Variants in LRP4 observed in about 807,000 individuals in gnomAD.
LRP4 encodes the protein low-density lipoprotein receptor-related protein 4.
LRP4 carries 95 observed loss-of-function variants against 220.3 expected under a neutral mutation model. That is an observed-to-expected ratio of 0.43 (90% CI 0.37 to 0.51). The LOEUF is 0.51. Ranked by LOEUF, LRP4 falls within the 20% of genes least tolerant of loss-of-function variation. The probability of loss-of-function intolerance (pLI) is 0.00; values close to 1 mark genes in which losing one functional copy is unlikely to be tolerated. For missense variants in LRP4, 1,925 were observed against 2,567.0 expected (o/e 0.75, Z 5.40); for synonymous variants, 903 against 954.6 (o/e 0.95, Z 1.00).
chr11:46,868,190 G>A (rs1940754552), intron 33 of LRP4, 76 bp from the exon 34 acceptor site: 1 of 1,586,542 alleles, frequency 6.3e-7, no homozygotes, highest in East Asian at 2.2e-5. Flanking sequence ...AGCAGCTGGA[G>A]AACTTGACAA....
In LRP4 at chr11:46,888,311, T is replaced by G. The variant is rs569517589; in HGVS notation, c.2215+1100A>C. 8.0e-5 allele frequency among the ~76,000 whole-genome samples: 12 copies of G among 150,420 alleles called. 1 individual carries two copies. In the South Asian group the frequency reaches 1.5e-3, roughly 18 times the overall value. On this transcript the variant is annotated intron_variant, in intron 16 of 37. Transcript: ENST00000378623. ...GCTCATGCCTGTAATGCCAGCACTT[T>G]GGGAGGCTGAGGTGGGTGGATCACC...
At position 46,899,769 on chromosome 11, in the gene LRP4, G is replaced by A. The variant is rs916723324; in HGVS notation, c.430+94C>T. On this transcript the variant is annotated intron_variant, in intron 4 of 37. Transcript: ENST00000378623. This position sits in a 1 kb window ranked among gnomAD's most constrained non-coding sequence, Gnocchi z 5.9. ...GCTCCAGATATCTGGGCAGTTGGAG[G>A]TTTGGCAGTGCTAGGGCCATTGCTG... 1.9e-6 allele frequency: 2 copies of A among 1,064,960 alleles called. No homozygotes were observed. Among genetic ancestry groups the A allele is most frequent in the Non-Finnish European group, 2.9e-6 (2 of 688,508 alleles). The allele number at this position is 1,064,960 out of a possible 1,614,324, so 66.0% of individuals were successfully genotyped here. A position where few individuals can be genotyped will look rare whatever the true frequency, so the allele number is the denominator to read the frequency against.
rs138239756 is a variant in LRP4 at position 46,900,321 on chromosome 11, C to G, written c.257G>C (p.Arg86Pro). The G allele has an allele frequency of 1.2e-6, 2 of 1,614,114 alleles. No homozygotes were observed. Among genetic ancestry groups the G allele is most frequent in the Admixed American group, 1.7e-5 (1 of 60,026 alleles). The part of the protein sequence containing the change: ...FHCDNGKCIR[R>P]SWVCDGDNDC... ...GTTGTCCCCGTCACACACCCAGGAG[C>G]GGCGGATGCACTTGCCATTGTCACA... Residue 86 changes from arginine (R) to proline (P), a missense_variant, in exon 3 of 38, where the codon CGC (arginine) becomes CCC (proline). This residue lies in a region of LRP4 where 412 missense variants were observed against 505.4 expected (regional missense o/e 0.82). Transcript: ENST00000378623.
intron 16 of LRP4, 119 bp from the exon 17 acceptor site, chr11:46,886,652 T>C (rs894998314): frequency 2.4e-6 from 2 of 825,508 alleles, no homozygotes; most frequent in Non-Finnish European, 4.0e-6. Flanking sequence ...CTGGTGCCCT[T>C]TGCCCCCTAT....
Position 46,881,873 on chromosome 11 carries a change from G to T in LRP4, c.2643C>A (p.Ser881Arg). 6.2e-7 allele frequency: 1 copy of T among 1,614,188 alleles called. No individual in the cohort carries two copies. Among genetic ancestry groups the T allele is most frequent in the East Asian group, 2.2e-5 (1 of 44,892 alleles). ...GYMYWTDWGA[S>R]PKIERAGMDA... Reference sequence around the variant, plus strand: ...CCATGCCAGCTCGTTCAATCTTGGGGCTCGCACCCCAGTCAGTCCAATACA... The same window carrying T: ...CCATGCCAGCTCGTTCAATCTTGGGTCTCGCACCCCAGTCAGTCCAATACA... Residue 881 changes from serine (S) to arginine (R), a missense_variant, in exon 20 of 38, where the codon AGC (serine) becomes AGA (arginine). By Grantham distance (110) the Ser-to-Arg change is moderately radical. Transcript: ENST00000378623.
chr11:46,875,722 T>C lies in LRP4; in HGVS notation c.3700-41A>G. Reference sequence around the variant, plus strand: ...AGGGTGGGGGGTGGTGATCAGCAGATTGGGAACTCTCCATGGAGATCCTAG... The same window carrying C: ...AGGGTGGGGGGTGGTGATCAGCAGACTGGGAACTCTCCATGGAGATCCTAG... On this transcript the variant is annotated intron_variant, in intron 26 of 37. Coordinates refer to ENST00000378623, the MANE Select transcript of LRP4 (RefSeq NM_002334.4). This position sits in a 1 kb window ranked among gnomAD's most constrained non-coding sequence, Gnocchi z 4.5. 4 of 1,612,352 alleles carry C rather than the reference T, an allele frequency of 2.5e-6. No homozygotes were observed. The highest frequency in any genetic ancestry group is 3.4e-6 in the Non-Finnish European group (4 of 1,178,496).
intron 36 of LRP4, among the ~76,000 whole-genome samples, chr11:46,863,593 A>T (rs1441977143): frequency 6.8e-6 from 1 of 147,082 alleles, no homozygotes; most frequent in African/African-American, 2.6e-5. Context: ...ACAAAAAAAA[A>T]AAAAAAAAAA....
chr11:46,866,138 GA>G lies in LRP4; in HGVS notation c.5088-953del, dbSNP rs1208907934. Among the ~76,000 whole-genome samples the G allele has an allele frequency of 3.3e-3, 423 of 127,534 alleles. 5 individuals are homozygous for G. Among genetic ancestry groups the G allele is most frequent in the East Asian group, 5.2e-3 (23 of 4,450 alleles). 83.7% of individuals were successfully genotyped at this position (127,534 alleles called of 152,430 possible). A position where few individuals can be genotyped will look rare whatever the true frequency, so the allele number is the denominator to read the frequency against. On this transcript the variant is annotated intron_variant, in intron 34 of 37. Coordinates refer to ENST00000378623, the MANE Select transcript of LRP4 (RefSeq NM_002334.4). ...ATAAAGAGACCAGTATGTTGCAGTGGAAAAAAAAAAAAACTGTTCTAATTAG... is the reference window on the plus strand; with the variant it reads ...ATAAAGAGACCAGTATGTTGCAGTGGAAAAAAAAAAAACTGTTCTAATTAG...
intron 1 of LRP4, among the ~76,000 whole-genome samples, chr11:46,907,273 T>C (rs1031249625): frequency 4.6e-5 from 7 of 152,230 alleles, no homozygotes; most frequent in Non-Finnish European, 8.8e-5. Flanking sequence ...CAATTCACTA[T>C]GGAAAAGGTC....
intron 7 of LRP4, 53 bp downstream of exon 7, chr11:46,898,505 C>T: frequency 2.5e-6 from 4 of 1,612,494 alleles, no homozygotes; most frequent in Non-Finnish European, 3.4e-6. Context: ...CTCTTTGGCT[C>T]CACAAGCCTT....
chr11:46,868,608 C>A lies in LRP4; in HGVS notation c.4943G>T (p.Cys1648Phe), dbSNP rs769497270. Residue 1648 changes from cysteine to phenylalanine, a missense_variant, in exon 33 of 38, where the codon TGC (cysteine) becomes TTC (phenylalanine). This residue lies in a region of LRP4 where 1,244 missense variants were observed against 1,624.9 expected (regional missense o/e 0.77). Transcript: ENST00000378623. ...ACPDEPDSRPCSLVPGLVPPA... is the reference protein window; with the variant it reads ...ACPDEPDSRPFSLVPGLVPPA... The stretch of plus-strand genomic sequence containing the variant: ...CATACAGTCCAACTCACCAAGGGAG[C>A]AGGGCCGGCTATCAGGTTCGTCAGG... The A allele has an allele frequency of 1.9e-6, 3 of 1,612,700 alleles. No homozygotes were observed. The highest frequency in any genetic ancestry group is 1.7e-6 in the Non-Finnish European group (2 of 1,178,778).
At chr11:46,909,905 T>C (rs913310084) in intron 1 of LRP4, among the ~76,000 whole-genome samples, 19 of 152,158 alleles carry the variant, frequency 1.2e-4, no homozygotes, top group African/African-American at 4.6e-4. Flanking sequence ...TACCCAGGTT[T>C]TGTTTACTCC....
chr11:46,876,759 C>T lies in LRP4; in HGVS notation c.3349G>A (p.Asp1117Asn), dbSNP rs1479367410. The T allele has an allele frequency of 3.1e-6, 5 of 1,614,164 alleles. No individual in the cohort carries two copies. The highest frequency in any genetic ancestry group is 3.3e-5 in the Admixed American group (2 of 60,032). Residue 1117 changes from aspartate (D) to asparagine (N), a missense_variant, in exon 24 of 38, where the codon GAC becomes AAC. Coordinates refer to ENST00000378623, the MANE Select transcript of LRP4 (RefSeq NM_002334.4). ...GAAGGCCCACCTGTGGTGATGATGTCCTCATGCTGTGAGCCATCCAGATTG... is the reference window on the plus strand; with the variant it reads ...GAAGGCCCACCTGTGGTGATGATGTTCTCATGCTGTGAGCCATCCAGATTG... ...RANLDGSQHE[D>N]IITTGLQTTD...
intron 7 of LRP4, among the ~76,000 whole-genome samples, chr11:46,898,006 AC>A (rs1941578103): frequency 6.9e-6 from 1 of 145,718 alleles, no homozygotes; most frequent in African/African-American, 2.6e-5. Context: ...CGGGGGGCTG[AC>A]CCCCCAACCT....
At chr11:46,888,655 A>G (rs1941354669) in intron 16 of LRP4, among the ~76,000 whole-genome samples, 1 of 150,808 alleles carries the variant, frequency 6.6e-6, no homozygotes, top group South Asian at 2.1e-4. Context: ...TGTTTTCCCT[A>G]ACCACACTCT....
Position 46,877,204 on chromosome 11 carries a change from T to C in LRP4, c.3272A>G (p.Gln1091Arg), listed in dbSNP as rs1448962979. ...KNTIAIGVDP[Q>R]EGKVYWSDST... Reference sequence around the variant, plus strand: ...GAAGAGAGGGCCATACAGACCTTCCTGGGGGTCTACTCCAATGGCAATGGT... The same window carrying C: ...GAAGAGAGGGCCATACAGACCTTCCCGGGGGTCTACTCCAATGGCAATGGT... The change falls in exon 23 of 38, where the codon CAG (glutamine) becomes CGG (arginine). Residue 1091 changes from glutamine to arginine, a missense_variant. Around this residue, in one of 3 missense-constraint regions of LRP4, gnomAD observed 1,244 missense variants for 1,624.9 expected, o/e 0.77. Transcript: ENST00000378623. The C allele has an allele frequency of 1.2e-6, 2 of 1,613,720 alleles. No homozygotes were observed. Among genetic ancestry groups the C allele is most frequent in the East Asian group, 2.2e-5 (1 of 44,888 alleles).
At chr11:46,898,488 T>C (rs1941590427) in intron 7 of LRP4, 70 bp downstream of exon 7, 2 of 1,602,338 alleles carry the variant, frequency 1.2e-6, no homozygotes, top group Non-Finnish European at 1.7e-6. Context: ...GCCCAGCCGG[T>C]AGTGGCCTCT....
chr11:46,870,318 T>G (rs1280759264), intron 31 of LRP4, among the ~76,000 whole-genome samples: 1 of 152,158 alleles, frequency 6.6e-6, no homozygotes, highest in African/African-American at 2.4e-5. Flanking sequence ...TTTTGGCTAG[T>G]GGGACATAAT....
rs1331657091 is a variant in LRP4 at position 46,873,045 on chromosome 11, A to G, written c.4583+55T>C. 6.2e-7 allele frequency: 1 copy of G among 1,611,918 alleles called. No homozygotes were observed. The highest frequency in any genetic ancestry group is 8.5e-7 in the Non-Finnish European group (1 of 1,178,174). On this transcript the variant is annotated intron_variant, in intron 30 of 37. Coordinates refer to ENST00000378623, the MANE Select transcript of LRP4 (RefSeq NM_002334.4). The surrounding 1 kb of genome is among the most constrained non-coding windows in gnomAD (Gnocchi z 4.2). ...CATTTTTCCAAGGTTAATCTCAACC[A>G]TTCTCTCTTCTGCCCACCCGATTTC...
Sources: gnomAD v4.1 joint callset for allele counts (sites outside exome capture counted in the v4.1 genomes callset) on GRCh38, gnomAD v4.1.1 for gene constraint, gnomAD v4.1.1 regional missense constraint, Gnocchi (gnomAD v3.1) non-coding constraint, MANE v1.5 for transcripts, NCBI Gene and HGNC (gene_info 2026-07-23, HGNC 2026-07-21) for gene names.